The following PTPRG variants were observed in gnomAD, a reference collection of about 807,000 sequenced individuals.
PTPRG encodes the protein protein tyrosine phosphatase receptor type G, also known as receptor-type tyrosine-protein phosphatase gamma.
PTPRG carries 102 observed loss-of-function variants against 165.3 expected under a neutral mutation model. The observed-to-expected ratio is 0.62, with a 90% CI of 0.53 to 0.73. The LOEUF is 0.73. Ranked by LOEUF, PTPRG falls within the 30% of genes least tolerant of loss-of-function variation. PTPRG has a pLI of 0.00. For synonymous variants in PTPRG, 675 were observed against 669.5 expected (o/e 1.01, Z -0.13); for missense variants, 1,866 against 1,861.4 (o/e 1.00, Z -0.05).
chr3:61,838,776 G>T (rs1351721525), intron 2 of PTPRG, among the ~76,000 whole-genome samples: 11 of 152,076 alleles, frequency 7.2e-5, no homozygotes, highest in Admixed American at 4.6e-4. Context: ...TTCTTCATTT[G>T]CTTTCTCTTG....
chr3:61,713,826 G>T (rs2031684406), intron 1 of PTPRG, among the ~76,000 whole-genome samples: 1 of 152,166 alleles, frequency 6.6e-6, no homozygotes, highest in Admixed American at 6.5e-5. Context: ...GCCTGCACAA[G>T]TTATGTGCCC....
chr3:61,580,802 A>G (rs564258923), intron 1 of PTPRG, among the ~76,000 whole-genome samples: 4 of 152,370 alleles, frequency 2.6e-5, no homozygotes, highest in Non-Finnish European at 5.9e-5. Context: ...TTGGCTGCAG[A>G]AACCCTTCAG....
rs755517164 is a variant in PTPRG at position 62,276,980 on chromosome 3, G to A, written c.3568G>A (p.Ala1190Thr). 7 of 1,612,808 alleles carry A rather than the reference G, an allele frequency of 4.3e-6. No homozygotes were observed. In the African/African-American group the frequency reaches 8.0e-5, roughly 18 times the overall value. Residue 1190 changes from alanine to threonine, a missense_variant, in exon 25 of 30, where the codon GCT becomes ACT. By Grantham distance (58) the Ala-to-Thr change is moderately conservative. Transcript: ENST00000474889. ...RNSSVVPSERARVGLAPLPGM... is the reference protein window; with the variant it reads ...RNSSVVPSERTRVGLAPLPGM... ...TTTTTTCCATATGATAGCTGAGCGT[G>A]CTCGAGTGGGTCTTGCACCATTGCC... is the stretch of plus-strand genomic sequence containing the variant.
In PTPRG at chr3:62,293,395, A is replaced by T; in HGVS notation, c.*88A>T. 2 of 1,177,946 alleles carry T rather than the reference A, an allele frequency of 1.7e-6. No homozygotes were observed. Among genetic ancestry groups the T allele is most frequent in the Non-Finnish European group, 2.3e-6 (2 of 867,784 alleles). 73.0% of individuals were successfully genotyped at this position (1,177,946 alleles called of 1,614,324 possible). ...TTTTTTGCCAGACTCTAGGTTATACAATAACCCAGTTACTTTTTTACACTG... is the reference window on the plus strand; with the variant it reads ...TTTTTTGCCAGACTCTAGGTTATACTATAACCCAGTTACTTTTTTACACTG... On this transcript the variant is annotated 3_prime_UTR_variant, in exon 30 of 30. Transcript: ENST00000474889.
intron 5 of PTPRG, among the ~76,000 whole-genome samples, chr3:62,105,601 T>C (rs528176417): frequency 6.6e-6 from 1 of 152,334 alleles, no homozygotes; most frequent in African/African-American, 2.4e-5. Flanking sequence ...TCCTGAAGAC[T>C]TTCTGGAGGA....
chr3:61,981,813 C>T (rs982112477), intron 2 of PTPRG, among the ~76,000 whole-genome samples: 1 of 152,158 alleles, frequency 6.6e-6, no homozygotes, highest in African/African-American at 2.4e-5. Flanking sequence ...TCTTATAAAA[C>T]ATCACCACTG....
In PTPRG at chr3:62,169,911, A is replaced by G. The variant is rs187665185; in HGVS notation, c.1033+1748A>G. Among the ~76,000 whole-genome samples the G allele has an allele frequency of 3.9e-5, 6 of 152,314 alleles. No individual in the cohort carries two copies. The East Asian group carries it at 1.2e-3, about 29-fold the overall frequency. The stretch of plus-strand genomic sequence containing the variant: ...AGGGGGAATGGGATTCTATTCCACA[A>G]GTAACTGCAGTGACATGCACTTTGA... On this transcript the variant is annotated intron_variant, in intron 8 of 29. Transcript: ENST00000474889.
rs141810125 is a variant in PTPRG, at chr3:62,122,450, G to T, written c.616-10152G>T. On this transcript the variant is annotated intron_variant, in intron 5 of 29. Coordinates refer to ENST00000474889, the MANE Select transcript of PTPRG (RefSeq NM_002841.4). ...TGAGAGCAATCATTCAGTGCTCCAA[G>T]AAAGCACAGAGTAAAACTACCCCCT... is the stretch of plus-strand genomic sequence containing the variant. Among the ~76,000 whole-genome samples, 13 of 152,198 alleles carry T rather than the reference G, an allele frequency of 8.5e-5. No individual in the cohort carries two copies. The East Asian group carries it at 2.1e-3, about 25-fold the overall frequency.
chr3:61,960,988 T>C (rs1342969491), intron 2 of PTPRG, among the ~76,000 whole-genome samples: 5 of 152,156 alleles, frequency 3.3e-5, no homozygotes, highest in African/African-American at 1.2e-4. Flanking sequence ...ATTTGTAAAA[T>C]AGGGATAAAA....
intron 13 of PTPRG, among the ~76,000 whole-genome samples, chr3:62,225,507 T>A (rs928528821): frequency 2.0e-5 from 3 of 151,780 alleles, no homozygotes; most frequent in Non-Finnish European, 4.4e-5. Context: ...TACAAAGATA[T>A]TTTTAGTTTT....
chr3:62,069,068 T>G (rs1701115805), intron 4 of PTPRG, among the ~76,000 whole-genome samples: 1 of 152,220 alleles, frequency 6.6e-6, no homozygotes, highest in South Asian at 2.1e-4. Flanking sequence ...CATGACTTCT[T>G]GGGATGTTGG....
Position 62,195,954 on chromosome 3 carries a change from A to AT in PTPRG, c.1327+790dup, listed in dbSNP as rs1212387586. ...AGGCACCTGCCACCACGCCCAGCTAATTTTTTGTATTTTTACTAGAGACGG... is the reference window on the plus strand; with the variant it reads ...AGGCACCTGCCACCACGCCCAGCTAATTTTTTTGTATTTTTACTAGAGACGG... On this transcript the variant is annotated intron_variant, in intron 10 of 29. Transcript: ENST00000474889. This position sits in a 1 kb window ranked among gnomAD's most constrained non-coding sequence, Gnocchi z 4.4. 1.3e-5 allele frequency among the ~76,000 whole-genome samples: 2 copies of AT among 151,572 alleles called. No homozygotes were observed. The highest frequency in any genetic ancestry group is 2.9e-5 in the Non-Finnish European group (2 of 67,918).
At chr3:62,268,575 T>A (rs1482943689) in intron 19 of PTPRG, among the ~76,000 whole-genome samples, 1 of 152,156 alleles carries the variant, frequency 6.6e-6, no homozygotes, top group African/African-American at 2.4e-5. Context: ...CTGCTTCATG[T>A]TGTGGAGTCA....
rs1259590327 is a variant in PTPRG, at chr3:62,275,956, A to C, written c.3549A>C (p.Ser1183=). 1.2e-6 allele frequency: 2 copies of C among 1,606,490 alleles called. No homozygotes were observed. The highest frequency in any genetic ancestry group is 1.1e-5 in the South Asian group (1 of 90,676). The change falls in exon 24 of 30, where the codon TCA becomes TCC. Residue 1183 remains serine (S), a synonymous_variant. Coordinates refer to ENST00000474889, the MANE Select transcript of PTPRG (RefSeq NM_002841.4). The stretch of plus-strand genomic sequence containing the variant: ...ACAAAGAAAAGAACAGAAACTCTTC[A>C]GTTGTGCCATGTAAGACTTTAAAAC... ...ECNKEKNRNS[S]VVPSERARVG... is the part of the protein sequence containing the mutation.
At chr3:61,686,916 T>A (rs956565375) in intron 1 of PTPRG, among the ~76,000 whole-genome samples, 1 of 152,094 alleles carries the variant, frequency 6.6e-6, no homozygotes, top group Non-Finnish European at 1.5e-5. Flanking sequence ...TCTTGAGAGG[T>A]ATGGGGAAGA....
chr3:62,038,597 A>G (rs1279071143), intron 4 of PTPRG, among the ~76,000 whole-genome samples: 3 of 152,224 alleles, frequency 2.0e-5, no homozygotes, highest in East Asian at 1.9e-4. Context: ...GGGTTTTGGC[A>G]TGTTGCCTAG....
intron 5 of PTPRG, chr3:62,124,365 G>C: frequency 1.2e-6 from 2 of 1,612,874 alleles, no homozygotes; most frequent in Non-Finnish European, 1.7e-6. Flanking sequence ...ATAGTGGGAT[G>C]CAAGTCCAGG....
At chr3:61,736,452 C>CTT (rs59588072) in intron 1 of PTPRG, among the ~76,000 whole-genome samples, 2 of 151,652 alleles carry the variant, frequency 1.3e-5, no homozygotes, top group African/African-American at 4.8e-5. Flanking sequence ...TAACTATTAT[C>CTT]TTTTTTTTCC....
chr3:61,916,426 C>T (rs2038937036), intron 2 of PTPRG, among the ~76,000 whole-genome samples: 1 of 152,100 alleles, frequency 6.6e-6, no homozygotes, highest in Admixed American at 6.5e-5. Context: ...ATTTTAACCT[C>T]CTACTCCCCA....
Sources: allele counts gnomAD v4.1 joint callset (sites outside exome capture counted in the v4.1 genomes callset), GRCh38; gene constraint gnomAD v4.1.1; non-coding constraint Gnocchi (gnomAD v3.1); transcripts MANE v1.5; gene names NCBI Gene and HGNC (gene_info 2026-07-23, HGNC 2026-07-21).